The following WNK2 variants were observed in gnomAD, a reference collection of about 807,000 sequenced individuals.
WNK2 encodes serine/threonine-protein kinase WNK2.
WNK2 carries 67 observed loss-of-function variants against 192.1 expected under a neutral mutation model. The observed-to-expected ratio is 0.35, with a 90% CI of 0.29 to 0.43. The LOEUF (loss-of-function observed/expected upper bound fraction) is 0.43. WNK2 is among the 20% of genes least tolerant of loss of function. WNK2 has a pLI of 1.00. For synonymous variants in WNK2, 1,439 were observed against 1,393.9 expected, an observed-to-expected ratio of 1.03 and a Z score of -0.72; for missense variants, 2,698 against 3,089.7, an observed-to-expected ratio of 0.87 and a Z score of 3.01.
At chr9:93,291,912 C>G (rs146054911) in intron 21 of WNK2, among the ~76,000 whole-genome samples, 229 of 152,326 alleles carry the variant, frequency 1.5e-3, no homozygotes, top group Middle Eastern at 6.8e-3. Flanking sequence ...ACCGTGGGAG[C>G]AGGGCTGGAA....
At chr9:93,199,398 G>A (rs554674193) in intron 2 of WNK2, among the ~76,000 whole-genome samples, 5 of 152,298 alleles carry the variant, frequency 3.3e-5, no homozygotes, top group Admixed American at 2.6e-4. Flanking sequence ...ACCTGCTGGC[G>A]GCTGGGCTTG....
At chr9:93,306,570 GC>G (rs1425489719) in intron 26 of WNK2, 1 of 609,740 alleles carries the variant, frequency 1.6e-6, no homozygotes, top group Non-Finnish European at 2.9e-6. Context: ...TGGCACCTCT[GC>G]CCCCTCGGCG....
intron 19 of WNK2, among the ~76,000 whole-genome samples, chr9:93,287,154 C>T (rs1367190383): frequency 6.6e-6 from 1 of 152,202 alleles, no homozygotes; most frequent in East Asian, 1.9e-4. Context: ...CAGCAGATCT[C>T]ATCTTAAATG....
chr9:93,272,196 A>G (rs1305801625), intron 19 of WNK2, among the ~76,000 whole-genome samples: 1 of 152,262 alleles, frequency 6.6e-6, no homozygotes, highest in Non-Finnish European at 1.5e-5. Context: ...GAAGAGCAAC[A>G]GAAGTTGTAA....
intron 5 of WNK2, 35 bp from the exon 6 acceptor site, chr9:93,238,198 G>C: frequency 6.2e-7 from 1 of 1,606,890 alleles, no homozygotes; most frequent in Non-Finnish European, 8.5e-7. Context: ...TCCGGCAGCC[G>C]ATCGGGTCAG....
At chr9:93,289,657 G>A in intron 20 of WNK2, 37 bp downstream of exon 20, 1 of 1,429,686 alleles carries the variant, frequency 7.0e-7, no homozygotes, top group Non-Finnish European at 9.1e-7. Flanking sequence ...ACTGCCCTGG[G>A]TCAGGGGCCG....
At chr9:93,185,658 G>A (rs1433473274) in intron 2 of WNK2, 48 bp downstream of exon 2, 5 of 1,569,372 alleles carry the variant, frequency 3.2e-6, no homozygotes, top group South Asian at 2.3e-5. Flanking sequence ...GTCTGTCCGC[G>A]AGTGCGTCCT....
At chr9:93,237,877 A>G (rs1174971561) in intron 5 of WNK2, among the ~76,000 whole-genome samples, 1 of 146,778 alleles carries the variant, frequency 6.8e-6, no homozygotes, top group African/African-American at 2.5e-5. Context: ...TTTTTGCTGT[A>G]TGTTCTCTTC....
intron 21 of WNK2, among the ~76,000 whole-genome samples, chr9:93,291,597 T>C (rs2133858179): frequency 6.6e-6 from 1 of 152,242 alleles, no homozygotes; most frequent in African/African-American, 2.4e-5. Flanking sequence ...TGTTCCCTTG[T>C]GAGTTTCCAC....
In WNK2 at chr9:93,189,914, A is replaced by G. The variant is rs377485054; in HGVS notation, c.681+4304A>G. 1.2e-3 allele frequency among the ~76,000 whole-genome samples: 178 copies of G among 152,202 alleles called. 3 individuals carry two copies. The East Asian group carries it at 0.027, about 23-fold the overall frequency. ...GCTGAAATGGGGAGAAGAGGAGACG[A>G]GGGGACGAGCCAGTGCCGGGCACAG... On this transcript the variant is annotated intron_variant, in intron 2 of 29. Coordinates refer to ENST00000427277, the MANE Select transcript of WNK2 (RefSeq NM_006648.4).
intron 5 of WNK2, among the ~76,000 whole-genome samples, chr9:93,236,887 C>T (rs1039637530): frequency 1.3e-5 from 2 of 152,238 alleles, no homozygotes; most frequent in African/African-American, 4.8e-5. Flanking sequence ...TACTAGCCTC[C>T]TGGAACAGGG....
chr9:93,240,499 T>C (rs1302060993), intron 7 of WNK2, among the ~76,000 whole-genome samples: 1 of 152,126 alleles, frequency 6.6e-6, no homozygotes, highest in Non-Finnish European at 1.5e-5. Flanking sequence ...TCTTCAGCTC[T>C]GTGGATGAGG....
At chr9:93,241,254 C>T (rs1055786735) in intron 7 of WNK2, among the ~76,000 whole-genome samples, 1 of 152,230 alleles carries the variant, frequency 6.6e-6, no homozygotes, top group African/African-American at 2.4e-5. Flanking sequence ...TGCACCGGAA[C>T]AGGTGAAAAC....
chr9:93,256,557 C>A, intron 10 of WNK2, 103 bp downstream of exon 10: 1 of 1,340,328 alleles, frequency 7.5e-7, no homozygotes, highest in South Asian at 1.6e-5. Context: ...ACCCTTCGCT[C>A]AAATTCTCTG....
At position 93,299,223 on chromosome 9, in the gene WNK2, C is replaced by T. The variant is rs946601356; in HGVS notation, c.6077C>T (p.Ser2026Phe). ...GCCTCCCTGTCTTCGGACATCTGCT[C>T]CGGCTTAGCCAGTGATGGAGGCGGA... The part of the protein sequence containing the change: ...VRASLSSDIC[S>F]GLASDGGGAR... The change falls in exon 25 of 30, where the codon TCC becomes TTC. Residue 2026 changes from serine to phenylalanine, a missense_variant. By Grantham distance (155) the Ser-to-Phe change is radical. Transcript: ENST00000427277. 3.8e-6 allele frequency: 6 copies of T among 1,585,540 alleles called. No individual in the cohort carries two copies. In the African/African-American group the frequency reaches 5.4e-5, roughly 14 times the overall value.
intron 27 of WNK2, chr9:93,307,153 C>G: frequency 2.6e-6 from 1 of 387,564 alleles, no homozygotes; most frequent in Admixed American, 4.2e-5. Context: ...CCTTGAAGTC[C>G]TAAAGATGAG....
intron 23 of WNK2, among the ~76,000 whole-genome samples, chr9:93,297,630 G>A (rs754941758): frequency 6.6e-6 from 1 of 152,232 alleles, no homozygotes; most frequent in Non-Finnish European, 1.5e-5. Flanking sequence ...TGGGCACGTC[G>A]ATGCCAGAGG....
In WNK2 at chr9:93,229,147, T is replaced by C. The variant is rs1344780375; in HGVS notation, c.682-549T>C. On this transcript the variant is annotated intron_variant, in intron 2 of 29. Transcript: ENST00000427277. The surrounding 1 kb of genome is among the most constrained non-coding windows in gnomAD (Gnocchi z 4.9). Reference sequence around the variant, plus strand: ...CCCAAGGGTCTGGGGAGGTGTCTGCTGTGTCCTCCTGCACAGGAGGGCCTG... The same window carrying C: ...CCCAAGGGTCTGGGGAGGTGTCTGCCGTGTCCTCCTGCACAGGAGGGCCTG... 6.6e-6 allele frequency among the ~76,000 whole-genome samples: 1 copy of C among 152,136 alleles called. No homozygotes were observed. Among genetic ancestry groups the C allele is most frequent in the Non-Finnish European group, 1.5e-5 (1 of 68,018 alleles).
chr9:93,299,984 G>A (rs1851318413), intron 25 of WNK2, 67 bp from the exon 26 acceptor site: 3 of 1,343,706 alleles, frequency 2.2e-6, no homozygotes, highest in African/African-American at 1.4e-5. Flanking sequence ...TGGTGTGGAG[G>A]AGGAATCGCA....
Sources: allele counts gnomAD v4.1 joint callset (sites outside exome capture counted in the v4.1 genomes callset), GRCh38; gene constraint gnomAD v4.1.1; non-coding constraint Gnocchi (gnomAD v3.1); transcripts MANE v1.5; gene names NCBI Gene and HGNC (gene_info 2026-07-23, HGNC 2026-07-21).